The following FOXP2 variants were observed in gnomAD, a reference collection of about 807,000 sequenced individuals.
The protein encoded by FOXP2 is forkhead box protein P2.
FOXP2 carries 12 observed loss-of-function variants against 115.8 expected under a neutral mutation model. The observed-to-expected ratio is 0.10, with a 90% CI of 0.07 to 0.17. FOXP2 has a LOEUF of 0.17. Among genes scored for constraint, FOXP2 ranks in the 10% least tolerant of loss-of-function variants. The pLI, the probability that FOXP2 is intolerant of heterozygous loss-of-function variation, is 1.00. For missense variants in FOXP2, 629 were observed against 843.5 expected, an observed-to-expected ratio of 0.75 and a Z score of 3.15; for synonymous variants, 328 against 297.7, an observed-to-expected ratio of 1.10 and a Z score of -1.05.
Position 114,315,186 on chromosome 7 carries a change from G to T in FOXP2, c.-11+27077G>T, listed in dbSNP as rs143388250. On this transcript the variant is annotated intron_variant, in intron 2 of 17. Transcript: ENST00000634411. ...TTCCTCTCTGGGAATTTTATAGGAA[G>T]TTTCCTGGGAATTTAATAGGCAATG... 7.2e-5 allele frequency among the ~76,000 whole-genome samples: 11 copies of T among 152,262 alleles called. No individual in the cohort carries two copies. In the South Asian group the frequency reaches 2.3e-3, roughly 32 times the overall value.
At chr7:114,297,965 T>C (rs1796784430) in intron 2 of FOXP2, among the ~76,000 whole-genome samples, 1 of 152,214 alleles carries the variant, frequency 6.6e-6, no homozygotes, top group Non-Finnish European at 1.5e-5. Context: ...TCTATACTTA[T>C]TTCCTTCTGA....
intron 1 of FOXP2, among the ~76,000 whole-genome samples, chr7:114,119,549 T>TA (rs927983438): frequency 1.3e-5 from 2 of 151,456 alleles, no homozygotes; most frequent in Non-Finnish European, 2.9e-5. Flanking sequence ...GAGACCAGCC[T>TA]AAAAAAAATT....
At chr7:114,197,967 C>T (rs1053574398) in intron 1 of FOXP2, among the ~76,000 whole-genome samples, 3 of 151,744 alleles carry the variant, frequency 2.0e-5, no homozygotes, top group Non-Finnish European at 2.9e-5. Flanking sequence ...TGGTTTCAAG[C>T]GATCCTCCCA....
At chr7:114,434,418 A>G (rs1584730569) in intron 2 of FOXP2, among the ~76,000 whole-genome samples, 1 of 107,130 alleles carries the variant, frequency 9.3e-6, no homozygotes, top group East Asian at 3.2e-4. Context: ...TATATTTCTG[A>G]CCTCACGGTT....
chr7:114,538,322 A>G (rs76199171), intron 3 of FOXP2: 1 of 1,302,708 alleles, frequency 7.7e-7, no homozygotes, highest in Admixed American at 2.3e-5. Flanking sequence ...TGTTACATTT[A>G]CAGCCATGAG....
At chr7:114,496,046 G>T (rs1182580154) in intron 2 of FOXP2, among the ~76,000 whole-genome samples, 1 of 151,922 alleles carries the variant, frequency 6.6e-6, no homozygotes, top group African/African-American at 2.4e-5. Context: ...ACTTCCTTTA[G>T]ATTAAATATA....
intron 2 of FOXP2, among the ~76,000 whole-genome samples, chr7:114,350,148 A>G (rs969599728): frequency 1.2e-4 from 19 of 152,084 alleles, no homozygotes; most frequent in African/African-American, 4.6e-4. Context: ...TTTTTATTTT[A>G]CTTTAAGTTC....
At chr7:114,095,584 G>C (rs1799629624) in intron 1 of FOXP2, among the ~76,000 whole-genome samples, 1 of 152,030 alleles carries the variant, frequency 6.6e-6, no homozygotes, top group East Asian at 1.9e-4. Context: ...AGTGCATGTG[G>C]AGTTGATCAC....
chr7:114,281,163 G>A (rs755750720), intron 1 of FOXP2, among the ~76,000 whole-genome samples: 23 of 140,476 alleles, frequency 1.6e-4, no homozygotes, highest in African/African-American at 2.9e-4. Flanking sequence ...GTGCCATGGC[G>A]TAATTTCGGC....
At chr7:114,286,999 A>G (rs934953933) in intron 1 of FOXP2, among the ~76,000 whole-genome samples, 1 of 152,084 alleles carries the variant, frequency 6.6e-6, no homozygotes, top group Admixed American at 6.6e-5. Context: ...GATGCCAGTC[A>G]TCCTTTTCAA....
intron 1 of FOXP2, among the ~76,000 whole-genome samples, chr7:114,188,969 T>C (rs1000688429): frequency 1.3e-5 from 2 of 152,208 alleles, no homozygotes; most frequent in African/African-American, 4.8e-5. Context: ...TGAACAGCTT[T>C]CAGAGTAATT....
chr7:114,690,129 C>CTTTTTTTTTTTTTTTT lies in FOXP2; in HGVS notation c.*205_*220dup. The CTTTTTTTTTTTTTTTT allele has an allele frequency of 4.8e-6, 2 of 420,598 alleles. No individual in the cohort carries two copies. Among genetic ancestry groups the CTTTTTTTTTTTTTTTT allele is most frequent in the Admixed American group, 3.6e-5 (1 of 27,456 alleles). 26.1% of individuals were successfully genotyped at this position (420,598 alleles called of 1,614,324 possible). ...TGCTTGTTTTCTTCTTCTTCTTCTT[C>CTTTTTTTTTTTTTTTT]TTTTTTTTTTTTTTTTTAGAAAAAA... On this transcript the variant is annotated 3_prime_UTR_variant, in exon 17 of 17. Coordinates refer to ENST00000350908, the MANE Select transcript of FOXP2 (RefSeq NM_014491.4).
At chr7:114,182,675 C>T (rs903876525) in intron 1 of FOXP2, among the ~76,000 whole-genome samples, 26 of 151,182 alleles carry the variant, frequency 1.7e-4, no homozygotes, top group African/African-American at 5.8e-4. Flanking sequence ...ATTAAAAGGC[C>T]TAATCCCATT....
chr7:114,433,900 A>C (rs1306712706), intron 2 of FOXP2, among the ~76,000 whole-genome samples: 2 of 151,988 alleles, frequency 1.3e-5, no homozygotes, highest in African/African-American at 4.8e-5. Flanking sequence ...CTGGAGCTAA[A>C]GCATATGCTA....
chr7:114,143,183 T>G (rs1370666304), intron 1 of FOXP2, among the ~76,000 whole-genome samples: 1 of 149,564 alleles, frequency 6.7e-6, no homozygotes, highest in African/African-American at 2.5e-5. Context: ...ATAATAATAA[T>G]AATAGCCTAC....
intron 2 of FOXP2, among the ~76,000 whole-genome samples, chr7:114,485,391 T>G (rs1796728918): frequency 1.3e-5 from 2 of 151,998 alleles, no homozygotes; most frequent in South Asian, 4.1e-4. Flanking sequence ...TTAGAAATAC[T>G]AATATTATGT....
chr7:114,682,748 G>C (rs1808160409), intron 16 of FOXP2, among the ~76,000 whole-genome samples: 1 of 152,072 alleles, frequency 6.6e-6, no homozygotes, highest in African/African-American at 2.4e-5. Context: ...ACTTCATTGT[G>C]TTCCATTTCT....
intron 8 of FOXP2, among the ~76,000 whole-genome samples, chr7:114,646,410 A>T (rs1424918978): frequency 6.6e-6 from 1 of 152,102 alleles, no homozygotes. Context: ...TTTATTACTG[A>T]CAACCAGATG....
upstream of FOXP2, among the ~76,000 whole-genome samples, chr7:114,411,383 T>G (rs1240719896): frequency 6.6e-6 from 1 of 152,104 alleles, no homozygotes; most frequent in Non-Finnish European, 1.5e-5. Context: ...AGACACACAT[T>G]TGAAAAAGCA....
Sources: gnomAD v4.1 joint callset for allele counts (sites outside exome capture counted in the v4.1 genomes callset) on GRCh38, gnomAD v4.1.1 for gene constraint, MANE v1.5 for transcripts, NCBI Gene and HGNC (gene_info 2026-07-23, HGNC 2026-07-21) for gene names.